MACF1: variants seen among roughly 807,000 people sequenced by gnomAD.
MACF1 encodes the protein microtubule actin crosslinking factor 1.
In MACF1, 193 loss-of-function variants were observed where a neutral mutation model predicts 854.8. The observed-to-expected ratio is 0.23, with a 90% CI of 0.20 to 0.25. The LOEUF is 0.25. MACF1 is among the 10% of genes least tolerant of loss of function. The probability of loss-of-function intolerance (pLI) is 1.00; values close to 1 mark genes in which losing one functional copy is unlikely to be tolerated. For missense variants in MACF1, 7,722 were observed against 8,929.1 expected, an observed-to-expected ratio of 0.86 and a Z score of 5.45; for synonymous variants, 3,185 against 3,226.7, an observed-to-expected ratio of 0.99 and a Z score of 0.44.
At chr1:39,478,686 C>T (rs1290519345) in intron 97 of MACF1, among the ~76,000 whole-genome samples, 2 of 152,206 alleles carry the variant, frequency 1.3e-5, no homozygotes, top group African/African-American at 2.4e-5. Context: ...CCTCAAATTC[C>T]TTAAGGGACA....
chr1:39,372,366 G>T (rs1649326389), intron 51 of MACF1, 113 bp from the exon 52 acceptor site: 2 of 622,570 alleles, frequency 3.2e-6, no homozygotes, highest in Admixed American at 2.7e-5. Flanking sequence ...TAAATCAGAA[G>T]GATGGTCTCT....
intron 2 of MACF1, among the ~76,000 whole-genome samples, chr1:39,138,949 G>A (rs2148182208): frequency 6.6e-6 from 1 of 152,320 alleles, no homozygotes; most frequent in African/African-American, 2.4e-5. Flanking sequence ...ACAGGCGTAA[G>A]CCACCGCGCC....
intron 6 of MACF1, chr1:39,269,825 A>C (rs1645281835): frequency 1.1e-6 from 1 of 929,762 alleles, no homozygotes; most frequent in Admixed American, 3.2e-5. Flanking sequence ...GGTGCCTCTC[A>C]AACTTACCCC....
Position 39,452,328 on chromosome 1 carries a change from G to T in MACF1, c.20591G>T (p.Arg6864Leu). 3 of 1,613,892 alleles carry T rather than the reference G, an allele frequency of 1.9e-6. No individual in the cohort carries two copies. Among genetic ancestry groups the T allele is most frequent in the Non-Finnish European group, 2.5e-6 (3 of 1,179,918 alleles). Reference protein sequence around the residue: ...VCKLSVSKQSRLEQALKQAEV... With the variant: ...VCKLSVSKQSLLEQALKQAEV... ...AAACTCTCTGTTTCCAAACAAAGCC[G>T]GCTTGAGCAGGCCTTAAAACAAGTA... The change falls in exon 86 of 101, where the codon CGG becomes CTG. Residue 6864 changes from arginine (R) to leucine (L), a missense_variant. By Grantham distance (102) the Arg-to-Leu change is moderately radical (BLOSUM62 -2). Coordinates refer to ENST00000564288, the MANE Select transcript of MACF1 (RefSeq NM_001394062.1).
chr1:39,437,675 T>C, intron 70 of MACF1, 102 bp from the exon 71 acceptor site: 1 of 975,064 alleles, frequency 1.0e-6, no homozygotes, highest in Non-Finnish European at 1.6e-6. Flanking sequence ...GCACAGGTTA[T>C]CCTAAACAGT....
intron 20 of MACF1, among the ~76,000 whole-genome samples, chr1:39,296,751 A>AAAGAAAGAAAGGAAGGAAGGAAGG (rs1362049025): frequency 2.1e-5 from 2 of 93,648 alleles, no homozygotes; most frequent in African/African-American, 9.0e-5. Flanking sequence ...AGAAAGAAAG[A>AAAGAAAGAAAGGAAGGAAGGAAGG]AAGGAAGGAA....
intron 2 of MACF1, among the ~76,000 whole-genome samples, chr1:39,166,674 A>G (rs1211275861): frequency 6.6e-6 from 1 of 151,984 alleles, no homozygotes; most frequent in East Asian, 1.9e-4. Flanking sequence ...GCTAGTCTCA[A>G]ACTCCTGACC....
intron 58 of MACF1, among the ~76,000 whole-genome samples, chr1:39,392,969 T>C (rs546052967): frequency 6.6e-6 from 1 of 151,872 alleles, no homozygotes; most frequent in Non-Finnish European, 1.5e-5. Flanking sequence ...TAGAAATCAC[T>C]AATGAGAGGA....
Position 39,335,735 on chromosome 1 carries a change from A to G in MACF1, c.9147A>G (p.Val3049=), listed in dbSNP as rs1422453444. ...TTGAAGAGTCCTCTTCCCAAGTGGT[A>G]CCTCAAGGAATTTCTGTAAAACATT... ...FKIEESSSQV[V]PQGISVKHLD... The change falls in exon 37 of 101, where the codon GTA becomes GTG. Residue 3049 remains valine (V), a synonymous_variant. Transcript: ENST00000564288. 6.2e-7 allele frequency: 1 copy of G among 1,613,922 alleles called. No individual in the cohort carries two copies. Among genetic ancestry groups the G allele is most frequent in the Non-Finnish European group, 8.5e-7 (1 of 1,179,968 alleles).
chr1:39,334,005 G>C lies in MACF1; in HGVS notation c.7417G>C (p.Asp2473His). The change falls in exon 37 of 101, where the codon GAT (aspartate) becomes CAT (histidine). Residue 2473 changes from aspartate (D) to histidine (H), a missense_variant. Physicochemically the swap from Asp to His is moderately conservative, Grantham distance 81. Transcript: ENST00000564288. ...GGAAACAACAGGACTTATAGACCCT[G>C]ATAGTAAAGCACCTTTAACAGTTGT... is the stretch of plus-strand genomic sequence containing the variant. ...QMETTGLIDP[D>H]SKAPLTVVQS... The C allele has an allele frequency of 6.2e-7, 1 of 1,614,200 alleles. No homozygotes were observed. The highest frequency in any genetic ancestry group is 8.5e-7 in the Non-Finnish European group (1 of 1,180,022).
At chr1:39,456,561 G>A (rs755191708) in intron 89 of MACF1, 7 of 152,210 alleles carry the variant, frequency 4.6e-5, no homozygotes, top group Non-Finnish European at 7.3e-5. Context: ...TAACTTCATC[G>A]TAAGTCGAGG....
At position 39,293,992 on chromosome 1, in the gene MACF1, G is replaced by C. The variant is rs147690297; in HGVS notation, c.2154+373G>C. The stretch of plus-strand genomic sequence containing the variant: ...CTTGGGAAGTCATTTAATCTCTCTG[G>C]ACCTCCATAAAATGAGATAATAGCA... On this transcript the variant is annotated intron_variant, in intron 18 of 100. Transcript: ENST00000564288. Among the ~76,000 whole-genome samples the C allele has an allele frequency of 1.6e-3, 237 of 151,906 alleles. 6 individuals carry two copies. The East Asian group carries it at 0.04, about 26-fold the overall frequency.
chr1:39,190,391 G>GTT (rs1557508061), intron 2 of MACF1, among the ~76,000 whole-genome samples: 2 of 41,802 alleles, frequency 4.8e-5, no homozygotes, highest in Admixed American at 3.3e-4. Flanking sequence ...GTGTGTGTGT[G>GTT]TTTGTTTTTG....
Position 39,434,400 on chromosome 1 carries a change from T to A in MACF1, c.17566-14T>A. The stretch of plus-strand genomic sequence containing the variant: ...TAATACTTATCCTTTTTTTTTTTTT[T>A]TTTGCTCACATAGGAAAAGACAGAG... On this transcript the variant is annotated splice_polypyrimidine_tract_variant and intron_variant, in intron 68 of 100. Transcript: ENST00000564288. The A allele has an allele frequency of 2.8e-6, 4 of 1,439,142 alleles. No homozygotes were observed. The highest frequency in any genetic ancestry group is 3.8e-6 in the Non-Finnish European group (4 of 1,055,926). The allele number at this position is 1,439,142 out of a possible 1,614,324, so 89.1% of individuals were successfully genotyped here.
At chr1:39,238,433 A>G (rs1459344739) in intron 2 of MACF1, among the ~76,000 whole-genome samples, 3 of 152,182 alleles carry the variant, frequency 2.0e-5, no homozygotes, top group Non-Finnish European at 4.4e-5. Flanking sequence ...AGAGGGTTCT[A>G]TTGCAGTCAC....
chr1:39,137,180 A>C (rs1027169376), intron 2 of MACF1, among the ~76,000 whole-genome samples: 3 of 152,118 alleles, frequency 2.0e-5, no homozygotes, highest in Non-Finnish European at 4.4e-5. Context: ...AGAGATTCTC[A>C]TGCCTCAGCC....
intron 97 of MACF1, among the ~76,000 whole-genome samples, chr1:39,476,035 CAG>C (rs1283406339): frequency 2.0e-5 from 3 of 152,210 alleles, no homozygotes; most frequent in Non-Finnish European, 2.9e-5. Flanking sequence ...GTTACAACAG[CAG>C]AGAGATGTTT....
intron 18 of MACF1, among the ~76,000 whole-genome samples, chr1:39,294,245 A>G (rs1339634426): frequency 6.6e-6 from 1 of 152,226 alleles, no homozygotes. Flanking sequence ...ACATTGGACA[A>G]TAGGACACTG....
intron 21 of MACF1, among the ~76,000 whole-genome samples, chr1:39,299,976 T>C (rs1169203042): frequency 4.6e-5 from 7 of 152,232 alleles, no homozygotes; most frequent in African/African-American, 1.7e-4. Flanking sequence ...TCATTGAAAG[T>C]GGCACAGGGA....
Sources: allele counts gnomAD v4.1 joint callset (sites outside exome capture counted in the v4.1 genomes callset), GRCh38; gene constraint gnomAD v4.1.1; transcripts MANE v1.5; gene names NCBI Gene and HGNC (gene_info 2026-07-23, HGNC 2026-07-21).